TMEM17: variants seen among roughly 807,000 people sequenced by gnomAD.
The protein encoded by TMEM17 is transmembrane protein 17.
A neutral mutation model predicts 19.1 loss-of-function variants in TMEM17; 15 were observed. That is an observed-to-expected ratio of 0.78 (90% CI 0.52 to 1.21). The LOEUF is 1.21. Ranked by LOEUF, TMEM17 falls within the 50% of genes most tolerant of loss-of-function variation. The probability of loss-of-function intolerance (pLI) is 0.00; values close to 1 mark genes in which losing one functional copy is unlikely to be tolerated. For missense variants in TMEM17, 245 were observed against 242.3 expected (o/e 1.01, Z -0.07); for synonymous variants, 103 against 86.9 (o/e 1.19, Z -1.03).
At chr2:62,490,000 C>T in the TMEM17 span, among the ~76,000 whole-genome samples, 2 of 151,982 alleles carry the variant, frequency 1.3e-5, no homozygotes. Context: ...CACAGTGAAA[C>T]CCTGTCTCTA....
chr2:62,482,454 A>C, the TMEM17 span, among the ~76,000 whole-genome samples: 1 of 152,206 alleles, frequency 6.6e-6, no homozygotes, highest in Non-Finnish European at 1.5e-5. Flanking sequence ...GTTGTTATGT[A>C]CCATCTGGAA....
At chr2:62,485,334 C>T in the TMEM17 span, among the ~76,000 whole-genome samples, 2 of 152,296 alleles carry the variant, frequency 1.3e-5, no homozygotes, top group East Asian at 3.9e-4. Flanking sequence ...TTATTTCTTC[C>T]CCCACTTCTT....
At chr2:62,479,889 CAAAAA>C in the TMEM17 span, among the ~76,000 whole-genome samples, 1 of 68,900 alleles carries the variant, frequency 1.5e-5, no homozygotes, top group African/African-American at 4.9e-5. Flanking sequence ...AGACCTGTCT[CAAAAA>C]AAAAAAAAAA....
At chr2:62,474,305 A>G in the TMEM17 span, among the ~76,000 whole-genome samples, 3 of 152,128 alleles carry the variant, frequency 2.0e-5, no homozygotes, top group South Asian at 2.1e-4. Context: ...AATGAGATCT[A>G]TATCTGTGGT....
At chr2:62,474,609 A>G in the TMEM17 span, among the ~76,000 whole-genome samples, 1 of 152,202 alleles carries the variant, frequency 6.6e-6, no homozygotes, top group East Asian at 1.9e-4. Context: ...ACAAACATGA[A>G]TAAGACCTTA....
chr2:62,455,794 T>A, the TMEM17 span, among the ~76,000 whole-genome samples: 1 of 152,174 alleles, frequency 6.6e-6, no homozygotes, highest in Non-Finnish European at 1.5e-5. Context: ...ACCAAACTAT[T>A]TTCCAAGTCA....
At chr2:62,473,650 T>G in the TMEM17 span, among the ~76,000 whole-genome samples, 1 of 152,176 alleles carries the variant, frequency 6.6e-6, no homozygotes, top group Non-Finnish European at 1.5e-5. Context: ...TTTCCTACTG[T>G]TTACACATCA....
chr2:62,504,621 TA>T (rs1195250607), intron 1 of TMEM17, among the ~76,000 whole-genome samples: 2 of 152,136 alleles, frequency 1.3e-5, no homozygotes, highest in African/African-American at 2.4e-5. Flanking sequence ...GCGTAAGACA[TA>T]AACTTACTAA....
chr2:62,495,647 G>T (rs1679758396), downstream of TMEM17, among the ~76,000 whole-genome samples: 1 of 135,698 alleles, frequency 7.4e-6, no homozygotes, highest in Non-Finnish European at 1.6e-5. Context: ...CAATTTACAA[G>T]GTAAACTCTT....
At chr2:62,501,693 C>T (rs902527638) in intron 3 of TMEM17, 2 of 535,698 alleles carry the variant, frequency 3.7e-6, no homozygotes, top group South Asian at 2.8e-5. Context: ...GAATACTACA[C>T]TTTAGTGAAC....
At chr2:62,456,589 T>G in the TMEM17 span, among the ~76,000 whole-genome samples, 3 of 152,252 alleles carry the variant, frequency 2.0e-5, no homozygotes, top group Non-Finnish European at 2.9e-5. Context: ...TAGGGTAATA[T>G]TCACAGGTTC....
chr2:62,495,971 G>A (rs947315122), downstream of TMEM17, among the ~76,000 whole-genome samples: 6 of 152,130 alleles, frequency 3.9e-5, no homozygotes, highest in African/African-American at 1.2e-4. Context: ...ACATCTCACT[G>A]TCTGTTGCTG....
At chr2:62,475,082 G>A in the TMEM17 span, among the ~76,000 whole-genome samples, 2 of 152,178 alleles carry the variant, frequency 1.3e-5, no homozygotes, top group African/African-American at 4.8e-5. Context: ...CAAGCAGCAG[G>A]AGAAACACTG....
At chr2:62,505,644 C>A (rs4347816) in intron 1 of TMEM17, among the ~76,000 whole-genome samples, 55,183 of 151,858 alleles carry the variant, frequency 0.36, 10,416 homozygotes, top group East Asian at 0.55. Flanking sequence ...GCCGCAGAGG[C>A]AAAACAACTT....
At chr2:62,466,838 C>T in the TMEM17 span, among the ~76,000 whole-genome samples, 1 of 152,144 alleles carries the variant, frequency 6.6e-6, no homozygotes, top group Admixed American at 6.5e-5. Context: ...GTGTGGGTGG[C>T]TCAACTGCTC....
the TMEM17 span, among the ~76,000 whole-genome samples, chr2:62,467,056 C>G: frequency 2.0e-5 from 3 of 152,084 alleles, no homozygotes; most frequent in Admixed American, 6.6e-5. Context: ...ACCCAGGAAT[C>G]AGTGGTTTGG....
At chr2:62,495,810 T>A (rs895973452), downstream of TMEM17, among the ~76,000 whole-genome samples, 2 of 152,238 alleles carry the variant, frequency 1.3e-5, no homozygotes, top group Non-Finnish European at 2.9e-5. Context: ...TGGCTATGTT[T>A]CCAATCTTGG....
In TMEM17 at chr2:62,506,162, C is replaced by A; in HGVS notation, c.-33G>T. The A allele has an allele frequency of 1.9e-6, 3 of 1,569,202 alleles. No individual in the cohort carries two copies. The highest frequency in any genetic ancestry group is 2.6e-6 in the Non-Finnish European group (3 of 1,156,838). ...CCTCAGTATCCCTCACCCCCTCAGA[C>A]ACGGGCTAGTCTGCGGGCGCTCCGA... On this transcript the variant is annotated 5_prime_UTR_variant, in exon 1 of 4. Coordinates refer to ENST00000335390, the MANE Select transcript of TMEM17 (RefSeq NM_198276.3).
chr2:62,454,322 C>G, the TMEM17 span, among the ~76,000 whole-genome samples: 10 of 152,198 alleles, frequency 6.6e-5, no homozygotes, highest in African/African-American at 2.4e-4. Context: ...TCGTGGAAAG[C>G]AGAGGCATCA....
Sources: allele counts gnomAD v4.1 joint callset (sites outside exome capture counted in the v4.1 genomes callset), GRCh38; gene constraint gnomAD v4.1.1; transcripts MANE v1.5; gene names NCBI Gene and HGNC (gene_info 2026-07-23, HGNC 2026-07-21).